Variants in ESPL1 observed in about 807,000 individuals in gnomAD.
The protein encoded by ESPL1 is extra spindle pole bodies like 1, separase.
Under a neutral mutation model 217.2 loss-of-function variants are expected in ESPL1, and 50 were observed. The ratio of observed to expected loss-of-function variants is 0.23; its 90% CI spans 0.18 to 0.29. The LOEUF is 0.29. Ranked by LOEUF, ESPL1 falls within the 10% of genes least tolerant of loss-of-function variation. The probability of loss-of-function intolerance (pLI) is 1.00; values close to 1 mark genes in which losing one functional copy is unlikely to be tolerated. For missense variants in ESPL1, 1,834 were observed against 2,603.0 expected, an observed-to-expected ratio of 0.70 and a Z score of 6.43; for synonymous variants, 994 against 1,081.3, an observed-to-expected ratio of 0.92 and a Z score of 1.58.
intron 22 of ESPL1, 52 bp downstream of exon 22, chr12:53,289,646 A>T: frequency 1.3e-6 from 2 of 1,496,530 alleles, no homozygotes; most frequent in Non-Finnish European, 1.8e-6. Flanking sequence ...GCATCTTCTT[A>T]CTTGGGAGCT....
chr12:53,284,750 A>T (rs1018525922), intron 17 of ESPL1, among the ~76,000 whole-genome samples: 17 of 151,552 alleles, frequency 1.1e-4, no homozygotes, highest in Admixed American at 2.6e-4. Context: ...TCGGTGGCTC[A>T]TGCCTGTAAT....
At chr12:53,271,665 A>C (rs2120881830) in intron 5 of ESPL1, among the ~76,000 whole-genome samples, 2 of 151,974 alleles carry the variant, frequency 1.3e-5, no homozygotes, top group Middle Eastern at 6.8e-3. Context: ...CCTGGGCAAC[A>C]AGAGCGAAAC....
chr12:53,288,072 G>A lies in ESPL1; in HGVS notation c.4277G>A (p.Gly1426Glu). The change falls in exon 19 of 31, where the codon GGG (glycine) becomes GAG (glutamate). Residue 1426 changes from glycine to glutamate, a missense_variant. This residue lies in a region of ESPL1 where 681 missense variants were observed against 808.0 expected (regional missense o/e 0.84). Coordinates refer to ENST00000257934, the MANE Select transcript of ESPL1 (RefSeq NM_012291.5). ...KRRGTASRGR[G>E]RARKGLSLKT... ...CGGGGCACTGCTTCCCGGGGCCGGG[G>A]GCGAGCAAGGAAGGGCCTGAGCCTA... 1 of 1,613,630 alleles carries A rather than the reference G, an allele frequency of 6.2e-7. No individual in the cohort carries two copies. Among genetic ancestry groups the A allele is most frequent in the Non-Finnish European group, 8.5e-7 (1 of 1,179,988 alleles).
At chr12:53,272,606 C>A in intron 5 of ESPL1, 115 bp from the exon 6 acceptor site, 1 of 1,230,486 alleles carries the variant, frequency 8.1e-7, no homozygotes, top group Non-Finnish European at 1.1e-6. Context: ...GGGTTCCTGT[C>A]TGATCTGGAA....
chr12:53,281,741 C>T (rs1162384308), intron 13 of ESPL1, 115 bp downstream of exon 13: 2 of 975,494 alleles, frequency 2.1e-6, no homozygotes, highest in East Asian at 2.5e-5. Context: ...ATGTTCCTGA[C>T]CCTGAGAGGC....
intron 1 of ESPL1, 139 bp downstream of exon 1, chr12:53,268,516 T>TG: frequency 2.0e-6 from 1 of 501,164 alleles, no homozygotes; most frequent in Non-Finnish European, 3.6e-6. Context: ...GCTGAAGGGC[T>TG]GGGCCGAGGC....
intron 5 of ESPL1, among the ~76,000 whole-genome samples, chr12:53,272,040 T>C (rs1161640539): frequency 6.7e-6 from 1 of 150,090 alleles, no homozygotes; most frequent in Non-Finnish European, 1.5e-5. Flanking sequence ...TGAGCCAAGA[T>C]CGTGCCACTG....
intron 18 of ESPL1, 167 bp from the exon 19 acceptor site, chr12:53,287,805 G>A (rs540734078): frequency 2.3e-5 from 14 of 597,178 alleles, no homozygotes; most frequent in Non-Finnish European, 3.4e-5. Context: ...CCCAAGAGTC[G>A]CTGCCCCTGA....
In ESPL1 at chr12:53,283,304, T is replaced by C. The variant is rs772615166; in HGVS notation, c.2920+47T>C. On this transcript the variant is annotated intron_variant, in intron 15 of 30. Coordinates refer to ENST00000257934, the MANE Select transcript of ESPL1 (RefSeq NM_012291.5). ...GGGCCCTCTTGGAATGGACAGGCTA[T>C]GTGAGAGGGCTGCGGTTTTTTCTCC... 5.0e-6 allele frequency: 8 copies of C among 1,612,828 alleles called. No homozygotes were observed. The South Asian group carries it at 7.7e-5, about 16-fold the overall frequency.
intron 17 of ESPL1, among the ~76,000 whole-genome samples, chr12:53,285,505 G>A (rs150502259): frequency 1.3e-5 from 2 of 152,162 alleles, no homozygotes; most frequent in African/African-American, 4.8e-5. Context: ...TCAGGAGATC[G>A]AGACCATTCT....
chr12:53,285,663 T>G (rs988912887), intron 17 of ESPL1, among the ~76,000 whole-genome samples: 5 of 151,344 alleles, frequency 3.3e-5, no homozygotes, highest in African/African-American at 1.2e-4. Flanking sequence ...GAGCTGAGAT[T>G]GTGCCACTGC....
In ESPL1 at chr12:53,290,157, G is replaced by A; in HGVS notation, c.5186G>A (p.Arg1729Gln). 1.2e-6 allele frequency: 2 copies of A among 1,614,086 alleles called. No individual in the cohort carries two copies. The highest frequency in any genetic ancestry group is 1.1e-5 in the South Asian group (1 of 91,082). The change falls in exon 23 of 31, where the codon CGG becomes CAG. Residue 1729 changes from arginine (R) to glutamine (Q), a missense_variant. Arg to Gln is a conservative substitution (Grantham distance 43, BLOSUM62 1). Coordinates refer to ENST00000257934, the MANE Select transcript of ESPL1 (RefSeq NM_012291.5). ...GTVGNTLLLT[R>Q]LEKDSPPVSV... is the part of the protein sequence containing the mutation. ...GTGGGCAACACCCTCCTGCTGACCC[G>A]GCTGGAAAAGGACAGTCCCCCAGTC...
chr12:53,272,413 T>A (rs944369441), intron 5 of ESPL1, among the ~76,000 whole-genome samples: 6 of 151,944 alleles, frequency 3.9e-5, no homozygotes, highest in African/African-American at 1.5e-4. Context: ...GCTTGGAGGA[T>A]GTGAGGGAGT....
chr12:53,281,864 G>A lies in ESPL1; in HGVS notation c.2619+238G>A, dbSNP rs192040808. The stretch of plus-strand genomic sequence containing the variant: ...CAAGGGGGAAAGTCTGTCCTGTGAC[G>A]AAAAGCTGGGACAATGGTGATCCTG... On this transcript the variant is annotated intron_variant, in intron 13 of 30. Transcript: ENST00000257934. 1.0e-3 allele frequency among the ~76,000 whole-genome samples: 158 copies of A among 152,256 alleles called. 3 individuals carry two copies. The East Asian group carries it at 0.027, about 26-fold the overall frequency.
At position 53,274,979 on chromosome 12, in the gene ESPL1, G is replaced by A. The variant is rs1315725035; in HGVS notation, c.1669G>A (p.Ala557Thr). The stretch of plus-strand genomic sequence containing the variant: ...CTGGGTTCGGGTCAAGATGGATGCG[G>A]CCAGGGCTGGAGACAAGGAGCTACA... The part of the protein sequence containing the change: ...TFWVRVKMDA[A>T]RAGDKELQLK... Residue 557 changes from alanine (A) to threonine (T), a missense_variant, in exon 7 of 31, where the codon GCC (alanine) becomes ACC (threonine). By Grantham distance (58) the Ala-to-Thr change is moderately conservative. This residue lies in a region of ESPL1 where 746 missense variants were observed against 1,077.0 expected (regional missense o/e 0.69). Transcript: ENST00000257934. 1 of 1,564,570 alleles carries A rather than the reference G, an allele frequency of 6.4e-7. No homozygotes were observed. Among genetic ancestry groups the A allele is most frequent in the Admixed American group, 1.9e-5 (1 of 53,298 alleles).
chr12:53,279,942 A>T, intron 12 of ESPL1, 76 bp downstream of exon 12: 1 of 1,452,196 alleles, frequency 6.9e-7, no homozygotes. Context: ...AGAAGACAGG[A>T]TATCAAAGGG....
chr12:53,282,164 C>A lies in ESPL1; in HGVS notation c.2620-100C>A. The A allele has an allele frequency of 1.1e-6, 1 of 932,676 alleles. No individual in the cohort carries two copies. Among genetic ancestry groups the A allele is most frequent in the Non-Finnish European group, 1.7e-6 (1 of 586,736 alleles). 57.8% of individuals were successfully genotyped at this position (932,676 alleles called of 1,614,324 possible). Reference sequence around the variant, plus strand: ...GAAAATTCTAAAATCTTTCTAATACCCAGGGCCTTCAGGGATGGGGCCACG... The same window carrying A: ...GAAAATTCTAAAATCTTTCTAATACACAGGGCCTTCAGGGATGGGGCCACG... On this transcript the variant is annotated intron_variant, in intron 13 of 30. Coordinates refer to ENST00000257934, the MANE Select transcript of ESPL1 (RefSeq NM_012291.5). The surrounding 1 kb of genome is among the most constrained non-coding windows in gnomAD (Gnocchi z 4.0).
intron 18 of ESPL1, 49 bp from the exon 19 acceptor site, chr12:53,287,923 C>G (rs756742243): frequency 6.0e-5 from 91 of 1,520,160 alleles, no homozygotes; most frequent in Non-Finnish European, 7.5e-5. Flanking sequence ...CACAAGGTGT[C>G]TTGTCACTGA....
rs1418473987 is a variant in ESPL1 at position 53,290,864 on chromosome 12, G to C, written c.5388G>C (p.Lys1796Asn). 1 of 1,609,996 alleles carries C rather than the reference G, an allele frequency of 6.2e-7. No homozygotes were observed. Among genetic ancestry groups the C allele is most frequent in the Non-Finnish European group, 8.5e-7 (1 of 1,178,432 alleles). ...RMEVLIASLE[K>N]SVLGCWKGLL... ...AGGTTCTCATCGCTTCCCTAGAGAA[G>C]TCTGTGCTGGGCTGCTGGAAGGGGC... is the stretch of plus-strand genomic sequence containing the variant. Residue 1796 changes from lysine (K) to asparagine (N), a missense_variant, in exon 25 of 31, where the codon AAG becomes AAC. Around this residue, in one of 5 missense-constraint regions of ESPL1, gnomAD observed 295 missense variants for 519.8 expected, o/e 0.57. Transcript: ENST00000257934.
Sources: gnomAD v4.1 joint callset for allele counts (sites outside exome capture counted in the v4.1 genomes callset) on GRCh38, gnomAD v4.1.1 for gene constraint, gnomAD v4.1.1 regional missense constraint, Gnocchi (gnomAD v3.1) non-coding constraint, MANE v1.5 for transcripts, NCBI Gene and HGNC (gene_info 2026-07-23, HGNC 2026-07-21) for gene names.